SMPD4: variants seen among roughly 807,000 people sequenced by gnomAD.
SMPD4 encodes the protein neutral sphingomyelinase 3.
A neutral mutation model predicts 97.8 loss-of-function variants in SMPD4; 58 were observed. The ratio of observed to expected loss-of-function variants is 0.59; its 90% CI spans 0.48 to 0.74. SMPD4 has a LOEUF of 0.74. Ranked by LOEUF, SMPD4 falls within the 30% of genes least tolerant of loss-of-function variation. The probability of loss-of-function intolerance (pLI) is 0.00; values close to 1 mark genes in which losing one functional copy is unlikely to be tolerated. For missense variants in SMPD4, 853 were observed against 1,080.5 expected (o/e 0.79, Z 2.95); for synonymous variants, 388 against 450.0 (o/e 0.86, Z 1.74).
chr2:130,154,823 G>A, intron 15 of SMPD4: 2 of 601,600 alleles, frequency 3.3e-6, no homozygotes, highest in South Asian at 4.0e-5. Flanking sequence ...AGAAACAGCG[G>A]GGTCACGGGG....
At chr2:130,157,583 C>G in intron 11 of SMPD4, 187 bp from the exon 12 acceptor site, 2 of 1,203,686 alleles carry the variant, frequency 1.7e-6, no homozygotes, top group Non-Finnish European at 2.3e-6. Context: ...GTGCCTTGCA[C>G]TGCTTGGTCT....
At position 130,171,569 on chromosome 2, in the gene SMPD4, T is replaced by G. The variant is rs113347473; in HGVS notation, c.659+780A>C. ...AGGATCAGCAACATTTCAGGGTCAC[T>G]GATCACTGCCGCTACCTGGGCAGCG... On this transcript the variant is annotated intron_variant, in intron 8 of 19. Coordinates refer to ENST00000680298, the MANE Select transcript of SMPD4 (RefSeq NM_017951.5). Among the ~76,000 whole-genome samples, 953 of 152,326 alleles carry G rather than the reference T, an allele frequency of 6.3e-3. 6 individuals are homozygous for G. The highest frequency in any genetic ancestry group is 0.021 in the African/African-American group (893 of 41,564).
chr2:130,174,740 C>G (rs1342826903), intron 3 of SMPD4, among the ~76,000 whole-genome samples, 174 bp downstream of exon 3: 1 of 152,202 alleles, frequency 6.6e-6, no homozygotes, highest in Non-Finnish European at 1.5e-5. Flanking sequence ...AACCCCTGAT[C>G]TACAAGTTCA....
chr2:130,155,164 T>TG lies in SMPD4; in HGVS notation c.1384dup (p.His462ProfsTer19), dbSNP rs1445491203. 6.2e-7 allele frequency: 1 copy of TG among 1,614,168 alleles called. No individual in the cohort carries two copies. The highest frequency in any genetic ancestry group is 8.5e-7 in the Non-Finnish European group (1 of 1,180,034). Reference sequence around the variant, plus strand: ...GGCCACTCGGAACACCATGAGCGCGTGCTTGGGGCTGACCAGGTCTGTGCG... The same window carrying TG: ...GGCCACTCGGAACACCATGAGCGCGTGGCTTGGGGCTGACCAGGTCTGTGCG... On this transcript the variant is annotated frameshift_variant, in exon 15 of 20. Transcript: ENST00000680298. LOFTEE classifies it high-confidence loss of function.
At chr2:130,157,000 AAT>A (rs1686870412) in intron 12 of SMPD4, among the ~76,000 whole-genome samples, 2 of 152,294 alleles carry the variant, frequency 1.3e-5, no homozygotes, top group South Asian at 4.1e-4. Flanking sequence ...AGGGTTGAAG[AAT>A]ATGAGATGCA....
At position 130,153,798 on chromosome 2, in the gene SMPD4, G is replaced by A. The variant is rs1686476583; in HGVS notation, c.1797C>T (p.Tyr599=). Reference sequence around the variant, plus strand: ...CCATCTCGTCCAGGTCGTTGGCTGTGTAGGAGCCATTGGTGTCCATGGAGC... The same window carrying A: ...CCATCTCGTCCAGGTCGTTGGCTGTATAGGAGCCATTGGTGTCCATGGAGC... ...GFSSMDTNGS[Y]TANDLDEMGQ... The change falls in exon 17 of 20, where the codon TAC becomes TAT. Residue 599 remains tyrosine (Y), a synonymous_variant. Coordinates refer to ENST00000680298, the MANE Select transcript of SMPD4 (RefSeq NM_017951.5). 1 of 1,614,018 alleles carries A rather than the reference G, an allele frequency of 6.2e-7. No homozygotes were observed.
At chr2:130,173,682 G>T (rs1470879006) in intron 3 of SMPD4, 26 bp from the exon 4 acceptor site, 1 of 1,613,254 alleles carries the variant, frequency 6.2e-7, no homozygotes, top group African/African-American at 1.3e-5. Flanking sequence ...GTGAAGCCGC[G>T]TGCAGGACCA....
chr2:130,154,842 T>G, intron 15 of SMPD4: 4 of 617,504 alleles, frequency 6.5e-6, no homozygotes, highest in Non-Finnish European at 8.4e-6. Flanking sequence ...GGCCGCAGCT[T>G]GGACCGTGCC....
In SMPD4 at chr2:130,167,521, A is replaced by G; in HGVS notation, c.729T>C (p.His243=). ...HTSLLKRHIS[H]QTSVNADPAS... ...CGGGGTCTGCATTCACAGACGTCTGATGAGAGATGTGTCGCTTTAGGAGGC... is the reference window on the plus strand; with the variant it reads ...CGGGGTCTGCATTCACAGACGTCTGGTGAGAGATGTGTCGCTTTAGGAGGC... Residue 243 remains histidine, a synonymous_variant, in exon 9 of 20, where the codon CAT becomes CAC. Coordinates refer to ENST00000680298, the MANE Select transcript of SMPD4 (RefSeq NM_017951.5). The G allele has an allele frequency of 6.2e-7, 1 of 1,613,826 alleles. No individual in the cohort carries two copies. Among genetic ancestry groups the G allele is most frequent in the Non-Finnish European group, 8.5e-7 (1 of 1,179,832 alleles).
Position 130,152,500 on chromosome 2 carries a change from AG to A in SMPD4, c.*54del. 1 of 1,478,194 alleles carries A rather than the reference AG, an allele frequency of 6.8e-7. No homozygotes were observed. The highest frequency in any genetic ancestry group is 9.1e-7 in the Non-Finnish European group (1 of 1,103,722). The allele number at this position is 1,478,194 out of a possible 1,614,324, so 91.6% of individuals were successfully genotyped here. A position where few individuals can be genotyped will look rare whatever the true frequency, so the allele number is the denominator to read the frequency against. ...GGGCTTCCCAGGTCCTCTCAGCCCA[AG>A]GGTGGGGCTGTGTGGCAAATCCCTC... On this transcript the variant is annotated 3_prime_UTR_variant, in exon 20 of 20. Transcript: ENST00000680298.
At chr2:130,180,980 TTTG>T in intron 1 of SMPD4, among the ~76,000 whole-genome samples, 1 of 152,038 alleles carries the variant, frequency 6.6e-6, no homozygotes, top group Non-Finnish European at 1.5e-5. Flanking sequence ...TCGGACCCCG[TTTG>T]TTTTTTGTTT....
At chr2:130,170,569 C>T (rs1164238302) in intron 8 of SMPD4, among the ~76,000 whole-genome samples, 3 of 151,632 alleles carry the variant, frequency 2.0e-5, no homozygotes, top group Admixed American at 6.6e-5. Context: ...AGTTCTAGAG[C>T]AGCCTGGGCA....
In SMPD4 at chr2:130,162,349, A is replaced by C. The variant is rs1310632319; in HGVS notation, c.865-1077T>G. On this transcript the variant is annotated intron_variant, in intron 10 of 19. Coordinates refer to ENST00000680298, the MANE Select transcript of SMPD4 (RefSeq NM_017951.5). ...CCCGCCAGCAGCATGCCTCCTGCCC[A>C]AGCAGCACACCCACTGGGCTCCACA... Among the ~76,000 whole-genome samples the C allele has an allele frequency of 2.6e-5, 4 of 152,234 alleles. No homozygotes were observed. The East Asian group carries it at 7.7e-4, about 29-fold the overall frequency.
chr2:130,157,477 G>A (rs1287846265), intron 11 of SMPD4, 81 bp from the exon 12 acceptor site: 21 of 1,574,756 alleles, frequency 1.3e-5, no homozygotes, highest in South Asian at 3.5e-5. Context: ...ACCACATCCC[G>A]CCCTGAGCCA....
intron 3 of SMPD4, 68 bp from the exon 4 acceptor site, chr2:130,173,724 A>G: frequency 1.9e-6 from 3 of 1,597,366 alleles, no homozygotes; most frequent in Non-Finnish European, 2.6e-6. Flanking sequence ...CTAGTCCTGC[A>G]CCACCTGCTG....
In SMPD4 at chr2:130,174,083, C is replaced by T. The variant is rs1688744935; in HGVS notation, c.127-427G>A. On this transcript the variant is annotated intron_variant, in intron 3 of 19. Transcript: ENST00000680298. The stretch of plus-strand genomic sequence containing the variant: ...TTGCCCTGGCTGGAGTGCAGTGGCG[C>T]AATTATGGCTCACTGCAGCCTCGAC... 3.3e-5 allele frequency among the ~76,000 whole-genome samples: 5 copies of T among 152,140 alleles called. 1 individual carries two copies.
chr2:130,174,002 AT>A (rs1414264955), intron 3 of SMPD4, among the ~76,000 whole-genome samples: 1 of 152,144 alleles, frequency 6.6e-6, no homozygotes, highest in African/African-American at 2.4e-5. Flanking sequence ...AAATAAAAAA[AT>A]ATAAAATAAA....
intron 9 of SMPD4, among the ~76,000 whole-genome samples, chr2:130,167,033 T>A (rs1687996966): frequency 6.6e-6 from 1 of 152,148 alleles, no homozygotes; most frequent in African/African-American, 2.4e-5. Flanking sequence ...AGCAGGAAAA[T>A]ATCAACAATT....
In SMPD4 at chr2:130,159,935, G is replaced by A. The variant is rs570257349; in HGVS notation, c.951+1251C>T. ...GAAGGGTCTGGAGGGCCCACTGTCC[G>A]CCCCTGCCGCCGGCAGTCACATGGA... On this transcript the variant is annotated intron_variant, in intron 11 of 19. Transcript: ENST00000680298. Among the ~76,000 whole-genome samples, 4 of 152,138 alleles carry A rather than the reference G, an allele frequency of 2.6e-5. No homozygotes were observed. The East Asian group carries it at 5.8e-4, about 22-fold the overall frequency.
Sources: gnomAD v4.1 joint callset for allele counts (sites outside exome capture counted in the v4.1 genomes callset) on GRCh38, gnomAD v4.1.1 for gene constraint, MANE v1.5 for transcripts, NCBI Gene and HGNC (gene_info 2026-07-23, HGNC 2026-07-21) for gene names.